The following SUMF1 variants were observed in gnomAD, a reference collection of about 807,000 sequenced individuals.
SUMF1 encodes formylglycine-generating enzyme.
In SUMF1, 48 loss-of-function variants were observed where a neutral mutation model predicts 47.6. That is an observed-to-expected ratio of 1.01 (90% CI 0.80 to 1.28). The LOEUF is 1.28. SUMF1 is among the 50% of genes most tolerant of loss of function. The pLI is 0.00. For missense variants in SUMF1, 571 were observed against 485.4 expected (o/e 1.18, Z -1.66); for synonymous variants, 230 against 192.1 (o/e 1.20, Z -1.63).
chr3:4,158,423 G>A (rs968086820), intron 8 of SUMF1, among the ~76,000 whole-genome samples: 1 of 151,444 alleles, frequency 6.6e-6, no homozygotes, highest in Non-Finnish European at 1.5e-5. Context: ...TGTATATTCT[G>A]CAGTCATTGG....
intron 9 of SUMF1, among the ~76,000 whole-genome samples, chr3:4,051,279 A>G (rs1407936521): frequency 1.3e-5 from 2 of 152,046 alleles, no homozygotes; most frequent in Admixed American, 6.6e-5. Flanking sequence ...TTTATTTCCT[A>G]TCTCCACATC....
intron 8 of SUMF1, chr3:4,312,754 A>G: frequency 1.1e-6 from 1 of 916,646 alleles, no homozygotes; most frequent in Non-Finnish European, 1.6e-6. Flanking sequence ...TTTTTGGACA[A>G]TATCTTAGTA....
chr3:4,035,648 TAGAC>T (rs776139569), intron 9 of SUMF1, among the ~76,000 whole-genome samples: 1 of 152,170 alleles, frequency 6.6e-6, no homozygotes, highest in Non-Finnish European at 1.5e-5. Context: ...GTATGATAGA[TAGAC>T]AGAGACCAGT....
intron 8 of SUMF1, among the ~76,000 whole-genome samples, chr3:4,219,195 G>A (rs1231711361): frequency 6.6e-6 from 1 of 152,190 alleles, no homozygotes; most frequent in Non-Finnish European, 1.5e-5. Context: ...AGGGTAAAGA[G>A]CACAGACTAT....
Position 4,418,125 on chromosome 3 carries a change from G to A in SUMF1, c.610C>T (p.His204Tyr), listed in dbSNP as rs1349804364. The A allele has an allele frequency of 1.5e-5, 24 of 1,613,974 alleles. No homozygotes were observed. In the South Asian group the frequency reaches 2.5e-4, roughly 17 times the overall value. ...PDSTILHRPD[H>Y]PVLHVSWNDA... The stretch of plus-strand genomic sequence containing the variant: ...TTCCAGGACACATGGAGAACTGGAT[G>A]ATCCGGCCTGGGGAAGAGCAAAAGT... Residue 204 changes from histidine to tyrosine, a missense_variant, in exon 5 of 9, where the codon CAT (histidine) becomes TAT (tyrosine). Transcript: ENST00000272902.
intron 8 of SUMF1, among the ~76,000 whole-genome samples, chr3:4,160,995 T>A (rs1406233159): frequency 1.3e-5 from 2 of 152,122 alleles, no homozygotes; most frequent in Non-Finnish European, 2.9e-5. Context: ...TCAAAAGAAA[T>A]TGGGTATTGT....
At chr3:4,434,385 A>G (rs995277121) in intron 3 of SUMF1, among the ~76,000 whole-genome samples, 30 of 152,270 alleles carry the variant, frequency 2.0e-4, no homozygotes, top group African/African-American at 7.2e-4. Context: ...TAAATTTCAC[A>G]ATTTGGTATT....
At chr3:4,245,106 C>G (rs944144822) in intron 8 of SUMF1, among the ~76,000 whole-genome samples, 1 of 151,980 alleles carries the variant, frequency 6.6e-6, no homozygotes, top group South Asian at 2.1e-4. Context: ...TCAAGCTCTT[C>G]TCTACACTGG....
At chr3:4,090,123 G>GTAAT (rs1401406775) in intron 8 of SUMF1, among the ~76,000 whole-genome samples, 1 of 151,986 alleles carries the variant, frequency 6.6e-6, no homozygotes, top group Non-Finnish European at 1.5e-5. Flanking sequence ...ATTAATATTT[G>GTAAT]GTAAATGAAT....
intron 8 of SUMF1, among the ~76,000 whole-genome samples, chr3:4,160,089 C>A (rs933264599): frequency 2.0e-5 from 3 of 152,004 alleles, no homozygotes; most frequent in East Asian, 1.9e-4. Context: ...AGTTAAATAT[C>A]GATATCTCTC....
intron 9 of SUMF1, among the ~76,000 whole-genome samples, chr3:4,061,839 C>T (rs1360433938): frequency 6.6e-6 from 1 of 152,038 alleles, no homozygotes; most frequent in Non-Finnish European, 1.5e-5. Flanking sequence ...GGTTACAGTG[C>T]AGTGTGTAAG....
intron 8 of SUMF1, among the ~76,000 whole-genome samples, chr3:4,201,770 G>T (rs1167705765): frequency 6.6e-6 from 1 of 151,902 alleles, no homozygotes; most frequent in Non-Finnish European, 1.5e-5. Context: ...ACAGTACGAG[G>T]GTTCCCTTTT....
At chr3:4,183,166 G>A (rs1166558830) in intron 8 of SUMF1, among the ~76,000 whole-genome samples, 1 of 152,150 alleles carries the variant, frequency 6.6e-6, no homozygotes, top group African/African-American at 2.4e-5. Flanking sequence ...TAAAAGCTTG[G>A]TGTCAGAGGC....
chr3:4,352,731 T>TAA (rs34628235), intron 8 of SUMF1, among the ~76,000 whole-genome samples: 1,173 of 108,170 alleles, frequency 0.011, 12 homozygotes, highest in East Asian at 0.034. Flanking sequence ...TTGCTGCGTG[T>TAA]AAAAAAAAAA....
At chr3:4,236,170 A>C (rs1056106734) in intron 8 of SUMF1, among the ~76,000 whole-genome samples, 1 of 152,098 alleles carries the variant, frequency 6.6e-6, no homozygotes, top group African/African-American at 2.4e-5. Context: ...TTCTGGGCTA[A>C]AGTGATCCTT....
intron 8 of SUMF1, among the ~76,000 whole-genome samples, chr3:4,158,806 T>C (rs528135956): frequency 6.6e-6 from 1 of 151,760 alleles, no homozygotes; most frequent in South Asian, 2.1e-4. Flanking sequence ...GTACTTCTGC[T>C]CTTTTTTGGT....
chr3:4,252,633 A>C (rs1696832156), intron 8 of SUMF1, among the ~76,000 whole-genome samples: 1 of 152,180 alleles, frequency 6.6e-6, no homozygotes, highest in Non-Finnish European at 1.5e-5. Context: ...AGGAAAGTTG[A>C]AAGTTACAAG....
intron 8 of SUMF1, chr3:4,313,133 G>T (rs750562265): frequency 6.2e-7 from 1 of 1,614,034 alleles, no homozygotes; most frequent in East Asian, 2.2e-5. Context: ...TGCAGAAACA[G>T]AGTGGTCCAG....
At chr3:4,313,867 C>T in intron 8 of SUMF1, 1 of 1,543,466 alleles carries the variant, frequency 6.5e-7, no homozygotes, top group Non-Finnish European at 8.7e-7. Flanking sequence ...AGGAATGTGG[C>T]AGAGACTGCA....
Sources: gnomAD v4.1 joint callset for allele counts (sites outside exome capture counted in the v4.1 genomes callset) on GRCh38, gnomAD v4.1.1 for gene constraint, MANE v1.5 for transcripts, NCBI Gene and HGNC (gene_info 2026-07-23, HGNC 2026-07-21) for gene names.